The following IWS1 variants were observed in gnomAD, a reference collection of about 807,000 sequenced individuals.
The protein encoded by IWS1 is protein IWS1 homolog.
In IWS1, 27 loss-of-function variants were observed where a neutral mutation model predicts 86.7. That is an observed-to-expected ratio of 0.31 (90% CI 0.23 to 0.43). The LOEUF (loss-of-function observed/expected upper bound fraction) is 0.43. IWS1 is among the 20% of genes least tolerant of loss of function. The probability of loss-of-function intolerance (pLI) is 1.00; values close to 1 mark genes in which losing one functional copy is unlikely to be tolerated. For missense variants in IWS1, 827 were observed against 1,000.8 expected, an observed-to-expected ratio of 0.83 and a Z score of 2.34; for synonymous variants, 313 against 335.1, an observed-to-expected ratio of 0.93 and a Z score of 0.72.
At chr2:127,507,940 A>C (rs979909018) in intron 2 of IWS1, among the ~76,000 whole-genome samples, 2 of 152,226 alleles carry the variant, frequency 1.3e-5, no homozygotes, top group African/African-American at 4.8e-5. Flanking sequence ...TATGTATATA[A>C]GACACATGAA....
upstream of IWS1, among the ~76,000 whole-genome samples, chr2:127,527,086 C>T (rs1193671620): frequency 6.6e-6 from 1 of 152,196 alleles, no homozygotes; most frequent in African/African-American, 2.4e-5. Context: ...TTGAACTTTA[C>T]CTGAGCCCTG....
At chr2:127,493,475 T>C (rs1267123505) in intron 8 of IWS1, 65 bp from the exon 9 acceptor site, 1 of 1,449,650 alleles carries the variant, frequency 6.9e-7, no homozygotes, top group Non-Finnish European at 9.2e-7. Context: ...CCGACTTTTC[T>C]TACATATTTA....
intron 2 of IWS1, chr2:127,514,428 C>T (rs927031628): frequency 6.5e-6 from 1 of 154,562 alleles, no homozygotes; most frequent in African/African-American, 2.4e-5. Flanking sequence ...CATGGCATAC[C>T]ACCGTTCACC....
intron 7 of IWS1, among the ~76,000 whole-genome samples, chr2:127,495,195 T>G (rs1690451192): frequency 6.6e-6 from 1 of 152,196 alleles, no homozygotes. Flanking sequence ...GAAACAATTT[T>G]AATGTAGAAC....
Position 127,494,864 on chromosome 2 carries a change from ATACT to A in IWS1, c.1799+4_1799+7del. 1 of 1,521,122 alleles carries A rather than the reference ATACT, an allele frequency of 6.6e-7. No homozygotes were observed. 94.2% of individuals were successfully genotyped at this position (1,521,122 alleles called of 1,614,324 possible). On this transcript the variant is annotated splice_donor_5th_base_variant and intron_variant, in intron 8 of 13. Coordinates refer to ENST00000295321, the MANE Select transcript of IWS1 (RefSeq NM_017969.3). ...AAAAAGACATTTTAAAGAAAACAAA[ATACT>A]TACTTCTTAAGGTGCATAACTACAG...
intron 2 of IWS1, among the ~76,000 whole-genome samples, chr2:127,521,734 A>C (rs1470832430): frequency 6.6e-6 from 1 of 152,246 alleles, no homozygotes; most frequent in African/African-American, 2.4e-5. Flanking sequence ...GCAACATCGC[A>C]AAGTTGAAAA....
At chr2:127,519,393 A>G (rs1020710711) in intron 2 of IWS1, among the ~76,000 whole-genome samples, 1 of 152,190 alleles carries the variant, frequency 6.6e-6, no homozygotes, top group Admixed American at 6.5e-5. Context: ...GCTTTCTAAT[A>G]AAGTGGTTAA....
chr2:127,513,747 T>C (rs1236665710), intron 2 of IWS1, among the ~76,000 whole-genome samples: 1 of 152,230 alleles, frequency 6.6e-6, no homozygotes, highest in Non-Finnish European at 1.5e-5. Context: ...GAAACATTAA[T>C]GAGCACTGCA....
rs967874312 is a variant in IWS1, at chr2:127,505,133, C to T, written c.770G>A (p.Arg257Lys). Residue 257 changes from arginine to lysine, a missense_variant, in exon 3 of 14, where the codon AGG (arginine) becomes AAG (lysine). Around this residue, in one of 2 missense-constraint regions of IWS1, gnomAD observed 548 missense variants for 560.2 expected, o/e 0.98. Transcript: ENST00000295321. This position sits in a 1 kb window ranked among gnomAD's most constrained non-coding sequence, Gnocchi z 5.0. Reference protein sequence around the residue: ...ISDSESEDPPRHQASDSENEE... With the variant: ...ISDSESEDPPKHQASDSENEE... Reference sequence around the variant, plus strand: ...ATTTTCTGAGTCACTGGCCTGGTGCCTCGGAGGGTCCTCACTTTCTGAGTC... The same window carrying T: ...ATTTTCTGAGTCACTGGCCTGGTGCTTCGGAGGGTCCTCACTTTCTGAGTC... The T allele has an allele frequency of 6.2e-6, 10 of 1,611,038 alleles. No individual in the cohort carries two copies. The highest frequency in any genetic ancestry group is 7.6e-6 in the Non-Finnish European group (9 of 1,178,196).
chr2:127,510,989 A>G (rs1276935386), intron 2 of IWS1, among the ~76,000 whole-genome samples: 1 of 152,222 alleles, frequency 6.6e-6, no homozygotes, highest in African/African-American at 2.4e-5. Context: ...TGTGGTCCAC[A>G]TGATTCTGAC....
chr2:127,521,308 A>G (rs536996644), intron 2 of IWS1, among the ~76,000 whole-genome samples: 114 of 152,334 alleles, frequency 7.5e-4, no homozygotes, highest in Admixed American at 1.2e-3. Flanking sequence ...TAAAGTTAAA[A>G]TATATAGACG....
rs1312043874 is a variant in IWS1, at chr2:127,496,114, G to C, written c.1600C>G (p.Gln534Glu). Residue 534 changes from glutamine to glutamate, a missense_variant, in exon 7 of 14, where the codon CAG (glutamine) becomes GAG (glutamate). Physicochemically the swap from Gln to Glu is conservative, Grantham distance 29. Coordinates refer to ENST00000295321, the MANE Select transcript of IWS1 (RefSeq NM_017969.3). ...TTGCCACTCATGCTCTTTTTTCGCT[G>C]CAACATCATCTCAAAATCTGACAGA... is the stretch of plus-strand genomic sequence containing the variant. ...DFLSDFEMML[Q>E]RKKSMSGKRR... is the part of the protein sequence containing the mutation. The C allele has an allele frequency of 1.2e-6, 2 of 1,613,556 alleles. No individual in the cohort carries two copies. The highest frequency in any genetic ancestry group is 2.2e-5 in the South Asian group (2 of 91,036).
At chr2:127,482,142 C>T (rs1283715118) in intron 13 of IWS1, 1 of 152,204 alleles carries the variant, frequency 6.6e-6, no homozygotes, top group East Asian at 1.9e-4. Context: ...TCTCCCCATA[C>T]ATTTACTACT....
intron 2 of IWS1, among the ~76,000 whole-genome samples, chr2:127,520,492 C>T (rs978378606): frequency 2.0e-5 from 3 of 152,046 alleles, no homozygotes. Context: ...TTAATGCAAC[C>T]GTACTCTTTT....
chr2:127,488,807 C>T (rs747011875), intron 12 of IWS1, among the ~76,000 whole-genome samples: 5 of 152,186 alleles, frequency 3.3e-5, no homozygotes, highest in Non-Finnish European at 5.9e-5. Context: ...AGTCTACTTG[C>T]CATTCCAAAC....
At chr2:127,491,931 TACACATAA>T (rs1227652665) in intron 10 of IWS1, 32 bp downstream of exon 10, 2 of 1,173,222 alleles carry the variant, frequency 1.7e-6, no homozygotes, top group Non-Finnish European at 2.6e-6. Flanking sequence ...CTCTTATCTA[TACACATAA>T]ACACAACAAA....
rs1449323110 is a variant in IWS1 at position 127,526,432 on chromosome 2, A to G, written c.-224T>C. 1.4e-5 allele frequency: 22 copies of G among 1,535,244 alleles called. No homozygotes were observed. Among genetic ancestry groups the G allele is most frequent in the Non-Finnish European group, 1.8e-5 (21 of 1,144,160 alleles). Reference sequence around the variant, plus strand: ...GTACCCGGCAGGCTGGCGGGCGGGCAGGCATGCGAGCCGGCGTTCTACTTC... The same window carrying G: ...GTACCCGGCAGGCTGGCGGGCGGGCGGGCATGCGAGCCGGCGTTCTACTTC... On this transcript the variant is annotated 5_prime_UTR_variant, in exon 1 of 14. Transcript: ENST00000295321.
chr2:127,501,892 G>A (rs939368709), intron 5 of IWS1: 1 of 151,998 alleles, frequency 6.6e-6, no homozygotes, highest in African/African-American at 2.4e-5. Flanking sequence ...TATTTTTATA[G>A]TTCTAAAATT....
In IWS1 at chr2:127,503,567, T is replaced by G. The variant is rs369674302; in HGVS notation, c.1229A>C (p.Lys410Thr). Residue 410 changes from lysine (K) to threonine (T), a missense_variant, in exon 4 of 14, where the codon AAG becomes ACG. Coordinates refer to ENST00000295321, the MANE Select transcript of IWS1 (RefSeq NM_017969.3). ...SEDEEKASAK[K>T]SRVVSDADDS... is the part of the protein sequence containing the mutation. ...ATCTGCATCAGAGACAACACGACTC[T>G]TCTTTGCTGCTGTTGAAAAAGAAAA... The G allele has an allele frequency of 1.3e-5, 21 of 1,574,472 alleles. No individual in the cohort carries two copies. The highest frequency in any genetic ancestry group is 1.8e-5 in the Non-Finnish European group (21 of 1,160,286).
Sources: gnomAD v4.1 joint callset for allele counts (sites outside exome capture counted in the v4.1 genomes callset) on GRCh38, gnomAD v4.1.1 for gene constraint, gnomAD v4.1.1 regional missense constraint, Gnocchi (gnomAD v3.1) non-coding constraint, MANE v1.5 for transcripts, NCBI Gene and HGNC (gene_info 2026-07-23, HGNC 2026-07-21) for gene names.